Variants in GPRIN3 observed in about 807,000 individuals in gnomAD.
GPRIN3 encodes the protein G protein-regulated inducer of neurite outgrowth 3.
In GPRIN3, 12 loss-of-function variants were observed where a neutral mutation model predicts 13.7. That is an observed-to-expected ratio of 0.87 (90% CI 0.56 to 1.42). GPRIN3 has a LOEUF of 1.42. Among genes scored for constraint, GPRIN3 ranks in the 40% most tolerant of loss-of-function variants. The pLI, the probability that GPRIN3 is intolerant of heterozygous loss-of-function variation, is 0.00. For synonymous variants in GPRIN3, 377 were observed against 372.7 expected (o/e 1.01, Z -0.13); for missense variants, 1,009 against 958.7 (o/e 1.05, Z -0.69).
intron 1 of GPRIN3, among the ~76,000 whole-genome samples, chr4:89,303,658 G>GATACAAAGTAGTAGAT (rs1336479551): frequency 1.3e-5 from 2 of 151,508 alleles, no homozygotes; most frequent in African/African-American, 2.4e-5. Flanking sequence ...CAGGTCAAAG[G>GATACAAAGTAGTAGAT]ATACAAAGTA....
rs17015315 is a variant in GPRIN3 at position 89,275,349 on chromosome 4, T to C, written c.-123-25116A>G. On this transcript the variant is annotated intron_variant, in intron 1 of 1. Transcript: ENST00000609438. ...ATTTGAAATTTTTACCGATAATGTC[T>C]ATATTTTGCTAGTCAAGATATTCTA... Among the ~76,000 whole-genome samples, 1,026 of 152,300 alleles carry C rather than the reference T, an allele frequency of 6.7e-3. 19 individuals carry two copies. The highest frequency in any genetic ancestry group is 0.023 in the African/African-American group (966 of 41,538).
At position 89,250,052 on chromosome 4, in the gene GPRIN3, C is replaced by A; in HGVS notation, c.59G>T (p.Gly20Val). The change falls in exon 2 of 2, where the codon GGA becomes GTA. Residue 20 changes from glycine to valine, a missense_variant. Coordinates refer to ENST00000609438, the MANE Select transcript of GPRIN3 (RefSeq NM_198281.3). ...TGGCTCTCCTAGATCGTCTTCTTTT[C>A]CGGAAGCTGCAATCAGGGAAGTTTT... ...SAKTSLIAAS[G>V]KEDDLGEPQA... 6.2e-7 allele frequency: 1 copy of A among 1,613,910 alleles called. No individual in the cohort carries two copies. The highest frequency in any genetic ancestry group is 8.5e-7 in the Non-Finnish European group (1 of 1,179,778).
At chr4:89,286,581 C>T (rs1438815307) in intron 1 of GPRIN3, among the ~76,000 whole-genome samples, 1 of 151,796 alleles carries the variant, frequency 6.6e-6, no homozygotes, top group Non-Finnish European at 1.5e-5. Flanking sequence ...GAATGTGACT[C>T]CCAATTCAAT....
At position 89,254,597 on chromosome 4, in the gene GPRIN3, C is replaced by T. The variant is rs115125646; in HGVS notation, c.-123-4364G>A. Among the ~76,000 whole-genome samples, 1,074 of 152,186 alleles carry T rather than the reference C, an allele frequency of 7.1e-3. 10 individuals carry two copies. The highest frequency in any genetic ancestry group is 0.024 in the African/African-American group (1,008 of 41,540). On this transcript the variant is annotated intron_variant, in intron 1 of 1. Coordinates refer to ENST00000609438, the MANE Select transcript of GPRIN3 (RefSeq NM_198281.3). ...GCTGCATAGTATTCCATGGTGTATG[C>T]GTATCACATTTTCTTTATCCAGTTT...
At position 89,238,482 on chromosome 4, in the gene GPRIN3, G is replaced by A. The variant is rs1280593217; in HGVS notation, c.*9298C>T. 9 of 152,074 alleles carry A rather than the reference G, an allele frequency of 5.9e-5. No individual in the cohort carries two copies. The highest frequency in any genetic ancestry group is 5.9e-4 in the Admixed American group (9 of 15,256). 9.4% of individuals were successfully genotyped at this position (152,074 alleles called of 1,614,324 possible). On this transcript the variant is annotated 3_prime_UTR_variant, in exon 2 of 2. Coordinates refer to ENST00000609438, the MANE Select transcript of GPRIN3 (RefSeq NM_198281.3). ...CTCTGGGTAAGAGGCATCTAAGCCT[G>A]GACAATAAGGCAATCTAAGCGCCCT...
intron 1 of GPRIN3, among the ~76,000 whole-genome samples, chr4:89,258,253 T>C (rs1325486822): frequency 1.4e-5 from 2 of 147,778 alleles, no homozygotes; most frequent in East Asian, 2.0e-4. Context: ...TGAGACAGAG[T>C]CTTGCTCTGT....
At chr4:89,285,716 C>T (rs930092388) in intron 1 of GPRIN3, among the ~76,000 whole-genome samples, 7 of 152,166 alleles carry the variant, frequency 4.6e-5, no homozygotes, top group African/African-American at 1.7e-4. Context: ...CTCAAATATT[C>T]TTCTGTAAAC....
In GPRIN3 at chr4:89,248,654, C is replaced by T. The variant is rs1723192913; in HGVS notation, c.1457G>A (p.Gly486Glu). The T allele has an allele frequency of 6.2e-7, 1 of 1,613,986 alleles. No homozygotes were observed. The highest frequency in any genetic ancestry group is 1.7e-5 in the Admixed American group (1 of 60,000). Residue 486 changes from glycine to glutamate, a missense_variant, in exon 2 of 2, where the codon GGG (glycine) becomes GAG (glutamate). Physicochemically the swap from Gly to Glu is moderately conservative, Grantham distance 98. Transcript: ENST00000609438. The stretch of plus-strand genomic sequence containing the variant: ...CTCAGATGGCCTGGTTTCAAATTTC[C>T]CCAATCCATAACTTGTTTCAGCTTG... ...CSQAETSYGLGKFETRPSEFA... is the reference protein window; with the variant it reads ...CSQAETSYGLEKFETRPSEFA...
chr4:89,253,027 A>C (rs996974328), intron 1 of GPRIN3, among the ~76,000 whole-genome samples: 1 of 151,842 alleles, frequency 6.6e-6, no homozygotes, highest in South Asian at 2.1e-4. Flanking sequence ...AAAAAAAAAA[A>C]AAAAACAACT....
chr4:89,280,497 C>T (rs1249665735), intron 1 of GPRIN3, among the ~76,000 whole-genome samples: 1 of 152,184 alleles, frequency 6.6e-6, no homozygotes, highest in Admixed American at 6.5e-5. Flanking sequence ...TTCAATACAA[C>T]CATAAGGAAG....
At chr4:89,286,654 A>G (rs1222195699) in intron 1 of GPRIN3, among the ~76,000 whole-genome samples, 1 of 152,098 alleles carries the variant, frequency 6.6e-6, no homozygotes, top group East Asian at 1.9e-4. Flanking sequence ...CTTTGAGAAA[A>G]CAAGACTCTC....
chr4:89,273,260 T>C (rs1724008009), intron 1 of GPRIN3, among the ~76,000 whole-genome samples: 1 of 152,200 alleles, frequency 6.6e-6, no homozygotes, highest in Non-Finnish European at 1.5e-5. Context: ...CAATTTAGAA[T>C]GTAACATTAA....
chr4:89,277,981 G>C (rs1314408575), intron 1 of GPRIN3, among the ~76,000 whole-genome samples: 1 of 152,130 alleles, frequency 6.6e-6, no homozygotes, highest in Non-Finnish European at 1.5e-5. Context: ...TTCCTTGGGT[G>C]ATCTCTCCCA....
chr4:89,285,218 GC>G (rs976528926), intron 1 of GPRIN3, among the ~76,000 whole-genome samples: 4 of 151,530 alleles, frequency 2.6e-5, no homozygotes, highest in African/African-American at 9.7e-5. Context: ...GGGTCAGGGG[GC>G]GGGGGAGGGA....
chr4:89,282,945 A>G (rs1724293714), intron 1 of GPRIN3, among the ~76,000 whole-genome samples: 1 of 152,202 alleles, frequency 6.6e-6, no homozygotes, highest in African/African-American at 2.4e-5. Context: ...CTTGCCACAC[A>G]TGCGATTATG....
At chr4:89,256,636 C>G (rs1271861015) in intron 1 of GPRIN3, among the ~76,000 whole-genome samples, 1 of 152,152 alleles carries the variant, frequency 6.6e-6, no homozygotes, top group Non-Finnish European at 1.5e-5. Context: ...TAGCCCACTT[C>G]AGAACCACTG....
Position 89,248,313 on chromosome 4 carries a change from T to G in GPRIN3, c.1798A>C (p.Lys600Gln), listed in dbSNP as rs781083957. 4.3e-6 allele frequency: 7 copies of G among 1,614,024 alleles called. No individual in the cohort carries two copies. ...ESTLEENRQT[K>Q]TATSLSLPSD... Reference sequence around the variant, plus strand: ...GGCAGGCTCAGGCTGGTGGCTGTCTTGGTCTGTCTGTTTTCTTCTAAGGTG... The same window carrying G: ...GGCAGGCTCAGGCTGGTGGCTGTCTGGGTCTGTCTGTTTTCTTCTAAGGTG... The change falls in exon 2 of 2, where the codon AAG becomes CAG. Residue 600 changes from lysine (K) to glutamine (Q), a missense_variant. By Grantham distance (53) the Lys-to-Gln change is moderately conservative. Coordinates refer to ENST00000609438, the MANE Select transcript of GPRIN3 (RefSeq NM_198281.3).
rs113201665 is a variant in GPRIN3, at chr4:89,266,663, A to G, written c.-123-16430T>C. On this transcript the variant is annotated intron_variant, in intron 1 of 1. Transcript: ENST00000609438. Reference sequence around the variant, plus strand: ...ACCTAACATTCTTATTCTTAATTACAACTGCATCTCCCTATTGTAACAAAA... The same window carrying G: ...ACCTAACATTCTTATTCTTAATTACGACTGCATCTCCCTATTGTAACAAAA... 2.0e-3 allele frequency among the ~76,000 whole-genome samples: 306 copies of G among 152,332 alleles called. 12 individuals carry two copies. The South Asian group carries it at 0.057, about 28-fold the overall frequency.
rs1253690527 is a variant in GPRIN3 at position 89,248,835 on chromosome 4, C to T, written c.1276G>A (p.Val426Ile). 1.2e-6 allele frequency: 2 copies of T among 1,614,166 alleles called. No individual in the cohort carries two copies. Among genetic ancestry groups the T allele is most frequent in the Middle Eastern group, 1.6e-4 (1 of 6,062 alleles). Residue 426 changes from valine to isoleucine, a missense_variant, in exon 2 of 2, where the codon GTC becomes ATC. Coordinates refer to ENST00000609438, the MANE Select transcript of GPRIN3 (RefSeq NM_198281.3). ...CACGTATGCTGGGCATTACTGGAGACCAAATTGATTGATGAGGTTTTAAGG... is the reference window on the plus strand; with the variant it reads ...CACGTATGCTGGGCATTACTGGAGATCAAATTGATTGATGAGGTTTTAAGG... ...GVLKTSSINL[V>I]SSNAQHTCKE...
Sources: allele counts gnomAD v4.1 joint callset (sites outside exome capture counted in the v4.1 genomes callset), GRCh38; gene constraint gnomAD v4.1.1; transcripts MANE v1.5; gene names NCBI Gene and HGNC (gene_info 2026-07-23, HGNC 2026-07-21).